The following OCA2 variants were observed in gnomAD, a reference collection of about 807,000 sequenced individuals.
OCA2 encodes P protein.
OCA2 carries 77 observed loss-of-function variants against 100.2 expected under a neutral mutation model. That is an observed-to-expected ratio of 0.77 (90% confidence interval 0.64 to 0.93). The LOEUF (loss-of-function observed/expected upper bound fraction) is 0.93. Among genes scored for constraint, OCA2 ranks in the 40% least tolerant of loss-of-function variants. The pLI is 0.00. For synonymous variants in OCA2, 432 were observed against 439.2 expected (o/e 0.98, Z 0.21); for missense variants, 1,062 against 1,089.1 (o/e 0.98, Z 0.35).
chr15:28,002,615 C>T (rs1036117175), intron 9 of OCA2, among the ~76,000 whole-genome samples: 1 of 152,070 alleles, frequency 6.6e-6, no homozygotes. Context: ...CCAGGAGAGC[C>T]GGGTTCCTGT....
chr15:27,960,516 A>G (rs1453201023), intron 15 of OCA2, among the ~76,000 whole-genome samples: 1 of 152,132 alleles, frequency 6.6e-6, no homozygotes, highest in Non-Finnish European at 1.5e-5. Flanking sequence ...CTTAATTCTT[A>G]TTGTTCCTTA....
At chr15:28,036,669 A>G (rs1427050394) in intron 2 of OCA2, among the ~76,000 whole-genome samples, 1 of 152,138 alleles carries the variant, frequency 6.6e-6, no homozygotes, top group Non-Finnish European at 1.5e-5. Context: ...ACACTTAACA[A>G]TCCTATGATG....
At chr15:28,004,758 T>C (rs1344771334) in intron 9 of OCA2, among the ~76,000 whole-genome samples, 2 of 151,730 alleles carry the variant, frequency 1.3e-5, no homozygotes, top group African/African-American at 4.9e-5. Context: ...CACAGACACA[T>C]GGTCTCACAC....
At chr15:27,884,291 C>T (rs1318352409) in intron 19 of OCA2, among the ~76,000 whole-genome samples, 1 of 152,212 alleles carries the variant, frequency 6.6e-6, no homozygotes, top group Non-Finnish European at 1.5e-5. Context: ...GGGATGACTA[C>T]TTGGGCCCGG....
intron 23 of OCA2, among the ~76,000 whole-genome samples, chr15:27,786,939 AG>A (rs1368434320): frequency 5.9e-5 from 9 of 152,118 alleles, no homozygotes; most frequent in African/African-American, 2.2e-4. Flanking sequence ...AGCCTTTACC[AG>A]GCTGGGGATG....
intron 18 of OCA2, among the ~76,000 whole-genome samples, chr15:27,943,848 G>A (rs1223841629): frequency 2.0e-5 from 3 of 151,984 alleles, no homozygotes; most frequent in East Asian, 1.9e-4. Context: ...TCGAGTTGTC[G>A]CACCTTGCCG....
intron 2 of OCA2, among the ~76,000 whole-genome samples, chr15:28,070,313 G>C (rs1300418310): frequency 3.7e-5 from 5 of 136,424 alleles, no homozygotes; most frequent in South Asian, 4.9e-4. Flanking sequence ...AGGGAGGTGG[G>C]GGGGGGTCAG....
chr15:27,849,437 T>C (rs1360170610), intron 22 of OCA2, among the ~76,000 whole-genome samples: 1 of 152,154 alleles, frequency 6.6e-6, no homozygotes, highest in Non-Finnish European at 1.5e-5. Context: ...CACCTCTGCT[T>C]TCCAGGAAAC....
the OCA2 span, among the ~76,000 whole-genome samples, chr15:27,740,878 G>C: frequency 1.3e-5 from 2 of 152,208 alleles, no homozygotes; most frequent in African/African-American, 2.4e-5. Flanking sequence ...CGAGTCTCCA[G>C]CCTCCTGAAA....
chr15:27,933,274 T>A (rs2039323139), intron 18 of OCA2, among the ~76,000 whole-genome samples: 1 of 151,580 alleles, frequency 6.6e-6, no homozygotes, highest in Admixed American at 6.6e-5. Context: ...GGCAGTGATT[T>A]CTAGGCTATG....
At chr15:27,915,596 A>G (rs1191860154) in intron 19 of OCA2, among the ~76,000 whole-genome samples, 1 of 151,188 alleles carries the variant, frequency 6.6e-6, no homozygotes, top group Non-Finnish European at 1.5e-5. Flanking sequence ...GCCAACAAGC[A>G]TATGAACAAA....
chr15:27,989,814 T>C (rs981981879), intron 10 of OCA2, 148 bp from the exon 11 acceptor site: 9 of 732,340 alleles, frequency 1.2e-5, no homozygotes, highest in African/African-American at 1.0e-4. Context: ...GAAGTTGGAT[T>C]ATATCGCTGC....
intron 23 of OCA2, among the ~76,000 whole-genome samples, chr15:27,838,763 G>A (rs533254731): frequency 3.9e-5 from 6 of 152,194 alleles, no homozygotes; most frequent in Non-Finnish European, 8.8e-5. Context: ...GAGAAGGTAC[G>A]TGTGAACCAA....
At chr15:27,723,385 T>A in the OCA2 span, among the ~76,000 whole-genome samples, 1 of 152,152 alleles carries the variant, frequency 6.6e-6, no homozygotes, top group Non-Finnish European at 1.5e-5. Flanking sequence ...CACTGCTGTG[T>A]GAGTCCAAGG....
At chr15:27,982,870 A>G (rs1479308284) in intron 14 of OCA2, among the ~76,000 whole-genome samples, 1 of 152,204 alleles carries the variant, frequency 6.6e-6, no homozygotes, top group Non-Finnish European at 1.5e-5. Context: ...ACAGTATACA[A>G]AGAAATTATA....
chr15:27,954,438 C>T (rs2040148848), intron 17 of OCA2, among the ~76,000 whole-genome samples: 3 of 152,336 alleles, frequency 2.0e-5, no homozygotes, highest in Admixed American at 2.0e-4. Flanking sequence ...TTGCATCCAA[C>T]ATCTTTATGG....
chr15:27,903,640 G>A (rs551141931), intron 19 of OCA2, among the ~76,000 whole-genome samples: 4 of 152,302 alleles, frequency 2.6e-5, no homozygotes, highest in South Asian at 4.1e-4. Context: ...CCCCAGGAGC[G>A]GGTCCCTGCG....
chr15:28,014,026 C>A (rs2042312969), intron 9 of OCA2, among the ~76,000 whole-genome samples: 2 of 152,122 alleles, frequency 1.3e-5, no homozygotes, highest in African/African-American at 4.8e-5. Flanking sequence ...CCTGGCCACT[C>A]CTCCAGCCTG....
chr15:28,074,082 T>C (rs2044350039), intron 2 of OCA2, among the ~76,000 whole-genome samples: 1 of 151,486 alleles, frequency 6.6e-6, no homozygotes, highest in Admixed American at 6.6e-5. Flanking sequence ...AAAATGATGA[T>C]AGAATTTATA....
Sources: allele counts gnomAD v4.1 joint callset (sites outside exome capture counted in the v4.1 genomes callset), GRCh38; gene constraint gnomAD v4.1.1; transcripts MANE v1.5; gene names NCBI Gene and HGNC (gene_info 2026-07-23, HGNC 2026-07-21).